The following NECTIN3 variants were observed in gnomAD, a reference collection of about 807,000 sequenced individuals.
The protein encoded by NECTIN3 is nectin-3.
A neutral mutation model predicts 49.4 loss-of-function variants in NECTIN3; 8 were observed. The observed-to-expected ratio is 0.16, with a 90% confidence interval of 0.10 to 0.29. The LOEUF (loss-of-function observed/expected upper bound fraction) is 0.29, where lower values mean the gene tolerates loss of function less well. NECTIN3 is among the 10% of genes least tolerant of loss of function. NECTIN3 has a pLI of 1.00. For missense variants in NECTIN3, 581 were observed against 654.6 expected, an observed-to-expected ratio of 0.89 and a Z score of 1.23; for synonymous variants, 277 against 241.1, an observed-to-expected ratio of 1.15 and a Z score of -1.38.
intron 5 of NECTIN3, among the ~76,000 whole-genome samples, chr3:111,130,944 T>G (rs1008615380): frequency 6.6e-6 from 1 of 152,098 alleles, no homozygotes; most frequent in Non-Finnish European, 1.5e-5. Context: ...AGTGCCCCTA[T>G]GTCTAAAACT....
At chr3:111,086,430 A>G (rs2031933673) in intron 1 of NECTIN3, among the ~76,000 whole-genome samples, 1 of 152,108 alleles carries the variant, frequency 6.6e-6, no homozygotes, top group Non-Finnish European at 1.5e-5. Flanking sequence ...TACATCTAAA[A>G]TTTATTTTTG....
chr3:111,100,636 TA>T (rs1172154667), intron 1 of NECTIN3, among the ~76,000 whole-genome samples: 7 of 152,266 alleles, frequency 4.6e-5, no homozygotes, highest in East Asian at 1.9e-4. Flanking sequence ...ATTTTTGTGA[TA>T]TTTTTGGGAA....
rs771045467 is a variant in NECTIN3, at chr3:111,112,039, C to T, written c.170C>T (p.Ala57Val). 6.2e-6 allele frequency: 10 copies of T among 1,606,280 alleles called. No homozygotes were observed. Among genetic ancestry groups the T allele is most frequent in the Non-Finnish European group, 8.5e-6 (10 of 1,175,434 alleles). Residue 57 changes from alanine (A) to valine (V), a missense_variant, in exon 2 of 6, where the codon GCT becomes GTT. This residue lies in a region of NECTIN3 where 109 missense variants were observed against 69.1 expected (regional missense o/e 1.58). Transcript: ENST00000485303. ...LLFSRLCGAL[A>V]GPIIVEPHVT... ...TTTTTTTCCTCCATAGGTGCCTTAGCTGGACCAATTATTGTGGAGCCACAT... is the reference window on the plus strand; with the variant it reads ...TTTTTTTCCTCCATAGGTGCCTTAGTTGGACCAATTATTGTGGAGCCACAT...
intron 1 of NECTIN3, among the ~76,000 whole-genome samples, chr3:111,106,902 C>T (rs2033206042): frequency 6.6e-6 from 1 of 151,440 alleles, no homozygotes; most frequent in Non-Finnish European, 1.5e-5. Context: ...CTGAAATGTC[C>T]AATATGCATG....
At chr3:111,081,472 T>G (rs886284585) in intron 1 of NECTIN3, among the ~76,000 whole-genome samples, 8 of 152,202 alleles carry the variant, frequency 5.3e-5, no homozygotes, top group Admixed American at 3.3e-4. Flanking sequence ...ACCCAGTTAC[T>G]TCTCTCCCTG....
Position 111,145,007 on chromosome 3 carries a change from GA to G in NECTIN3, c.1117del (p.Arg373AspfsTer8). ...TTTGTGACTGTGCTGCTGACTCCTCGAAAAAAAAGACCATCCTATCTTGACA... is the reference window on the plus strand; with the variant it reads ...TTTGTGACTGTGCTGCTGACTCCTCGAAAAAAAGACCATCCTATCTTGACA... On this transcript the variant is annotated frameshift_variant, in exon 6 of 9. Coordinates refer to the NECTIN3 transcript ENST00000493615. LOFTEE classifies it high-confidence loss of function. 1.3e-6 allele frequency: 2 copies of G among 1,534,576 alleles called. No individual in the cohort carries two copies. Among genetic ancestry groups the G allele is most frequent in the South Asian group, 1.2e-5 (1 of 83,934 alleles).
At chr3:111,147,441 A>T (rs970548382) in exon 7 of NECTIN3, 2 of 1,533,212 alleles carry the variant, frequency 1.3e-6, no homozygotes, top group African/African-American at 2.7e-5. Flanking sequence ...CCTCCTCTGT[A>T]TGAAGAACGA....
At chr3:111,111,006 ATATT>A (rs1320239850) in intron 1 of NECTIN3, among the ~76,000 whole-genome samples, 3 of 152,098 alleles carry the variant, frequency 2.0e-5, no homozygotes, top group Admixed American at 6.6e-5. Flanking sequence ...TCATTTAAAA[ATATT>A]AATTAGATGT....
intron 7 of NECTIN3, among the ~76,000 whole-genome samples, chr3:111,159,288 C>G (rs1246631084): frequency 1.3e-5 from 2 of 152,066 alleles, no homozygotes; most frequent in East Asian, 3.8e-4. Context: ...GGGAATATTC[C>G]TTTACTTCCA....
intron 7 of NECTIN3, among the ~76,000 whole-genome samples, chr3:111,173,275 A>G (rs1021029700): frequency 1.3e-5 from 2 of 152,204 alleles, no homozygotes; most frequent in African/African-American, 2.4e-5. Flanking sequence ...AGGTGATAAC[A>G]TTTAGCCCCT....
chr3:111,082,192 A>G (rs2031651522), intron 1 of NECTIN3, among the ~76,000 whole-genome samples: 1 of 152,150 alleles, frequency 6.6e-6, no homozygotes, highest in African/African-American at 2.4e-5. Flanking sequence ...GAGAGGATTG[A>G]TTAATCAATC....
chr3:111,137,253 A>G lies in NECTIN3; in HGVS notation c.*3038A>G. 1.1e-6 allele frequency: 1 copy of G among 935,542 alleles called. No individual in the cohort carries two copies. The highest frequency in any genetic ancestry group is 1.8e-5 in the African/African-American group (1 of 56,082). The allele number at this position is 935,542 out of a possible 1,614,324, so 58.0% of individuals were successfully genotyped here. Reference sequence around the variant, plus strand: ...AAAATATAAGAAAGGAATAAATGGTACCCATTTTGAATTTTTAATTCTAAT... The same window carrying G: ...AAAATATAAGAAAGGAATAAATGGTGCCCATTTTGAATTTTTAATTCTAAT... On this transcript the variant is annotated 3_prime_UTR_variant, in exon 6 of 6. Transcript: ENST00000485303.
rs1336430712 is a variant in NECTIN3, at chr3:111,135,335, G to A, written c.*1120G>A. On this transcript the variant is annotated 3_prime_UTR_variant, in exon 6 of 6. Coordinates refer to ENST00000485303, the MANE Select transcript of NECTIN3 (RefSeq NM_015480.3). Reference sequence around the variant, plus strand: ...ATCTCCTTTTTCCTCCTAAGTGTATGTATGTGTTTTAAGATTTCTGTTTTT... The same window carrying A: ...ATCTCCTTTTTCCTCCTAAGTGTATATATGTGTTTTAAGATTTCTGTTTTT... 3.2e-6 allele frequency: 3 copies of A among 944,686 alleles called. No homozygotes were observed. Among genetic ancestry groups the A allele is most frequent in the Non-Finnish European group, 3.8e-6 (3 of 793,216 alleles). The allele number at this position is 944,686 out of a possible 1,614,324, so 58.5% of individuals were successfully genotyped here. A position where few individuals can be genotyped will look rare whatever the true frequency, so the allele number is the denominator to read the frequency against.
intron 1 of NECTIN3, among the ~76,000 whole-genome samples, chr3:111,091,084 A>G (rs143622448): frequency 3.9e-5 from 6 of 152,196 alleles, no homozygotes; most frequent in African/African-American, 1.4e-4. Flanking sequence ...TGCAGCTATC[A>G]CTGTAGTCAA....
In NECTIN3 at chr3:111,153,078, C is replaced by A. The variant is rs74593281; in HGVS notation, c.1221+5594C>A. Reference sequence around the variant, plus strand: ...ATGATAGAAGAGTTAACATTTTTTTCCAAATTATAGAGAAGTATATGACTG... The same window carrying A: ...ATGATAGAAGAGTTAACATTTTTTTACAAATTATAGAGAAGTATATGACTG... On this transcript the variant is annotated intron_variant, in intron 7 of 8. Coordinates refer to the NECTIN3 transcript ENST00000493615. Among the ~76,000 whole-genome samples, 998 of 151,744 alleles carry A rather than the reference C, an allele frequency of 6.6e-3. 27 individuals are homozygous for A. The highest frequency in any genetic ancestry group is 0.041 in the East Asian group (210 of 5,168).
chr3:111,193,990 A>G (rs1395215640), intron 1 of NECTIN3, among the ~76,000 whole-genome samples: 1 of 152,140 alleles, frequency 6.6e-6, no homozygotes, highest in Non-Finnish European at 1.5e-5. Context: ...TATGATATAT[A>G]TTCTTTGTTG....
intron 1 of NECTIN3, chr3:111,072,550 T>C (rs2030856370): frequency 2.0e-6 from 3 of 1,535,774 alleles, no homozygotes; most frequent in Non-Finnish European, 2.6e-6. Flanking sequence ...CCGCTTTTTT[T>C]CCCGGTGAAA....
At chr3:111,118,484 G>A (rs2033804111) in intron 2 of NECTIN3, among the ~76,000 whole-genome samples, 172 bp from the exon 3 acceptor site, 1 of 151,364 alleles carries the variant, frequency 6.6e-6, no homozygotes, top group Non-Finnish European at 1.5e-5. Context: ...CCTAGTTTAT[G>A]ATCTTTTGTT....
chr3:111,116,174 A>G (rs2033682768), intron 2 of NECTIN3, among the ~76,000 whole-genome samples: 1 of 152,112 alleles, frequency 6.6e-6, no homozygotes, highest in Non-Finnish European at 1.5e-5. Context: ...TATTTAAAGG[A>G]AGGGGTTAGA....
Sources: allele counts gnomAD v4.1 joint callset (sites outside exome capture counted in the v4.1 genomes callset), GRCh38; gene constraint gnomAD v4.1.1; regional missense constraint gnomAD v4.1.1; transcripts MANE v1.5; gene names NCBI Gene and HGNC (gene_info 2026-07-23, HGNC 2026-07-21).